AGAP1: variants seen among roughly 807,000 people sequenced by gnomAD.
AGAP1 encodes ArfGAP with GTPase domain, ankyrin repeat and PH domain 1.
In AGAP1, 29 loss-of-function variants were observed where a neutral mutation model predicts 105.3. The ratio of observed to expected loss-of-function variants is 0.28; its 90% CI spans 0.21 to 0.38. The LOEUF (loss-of-function observed/expected upper bound fraction) is 0.38, where lower values mean the gene tolerates loss of function less well. Ranked by LOEUF, AGAP1 falls within the 10% of genes least tolerant of loss-of-function variation. AGAP1 has a pLI of 1.00. For missense variants in AGAP1, 998 were observed against 1,165.1 expected, an observed-to-expected ratio of 0.86 and a Z score of 2.09; for synonymous variants, 509 against 485.9, an observed-to-expected ratio of 1.05 and a Z score of -0.63.
intron 11 of AGAP1, among the ~76,000 whole-genome samples, chr2:235,909,762 T>C (rs1189087685): frequency 1.3e-5 from 2 of 152,208 alleles, no homozygotes; most frequent in Admixed American, 1.3e-4. Flanking sequence ...GGCTCACACC[T>C]ATAATCCCAG....
rs1576295445 is a variant in AGAP1, at chr2:236,096,659, A to T, written c.2115-23533A>T. On this transcript the variant is annotated intron_variant, in intron 16 of 17. Transcript: ENST00000304032. The surrounding 1 kb of genome is among the most constrained non-coding windows in gnomAD (Gnocchi z 4.4). ...AGTGGCATGATCTCATCTCACTGCA[A>T]CCTCTGCCTCCCCGGTTCAAGTGAT... Among the ~76,000 whole-genome samples the T allele has an allele frequency of 1.3e-5, 2 of 150,918 alleles. No homozygotes were observed. The highest frequency in any genetic ancestry group is 6.6e-5 in the Admixed American group (1 of 15,118).
intron 1 of AGAP1, among the ~76,000 whole-genome samples, chr2:235,641,237 A>G (rs938533086): frequency 6.6e-6 from 1 of 152,118 alleles, no homozygotes; most frequent in Admixed American, 6.6e-5. Flanking sequence ...TAATGTTACA[A>G]ATATGATTCA....
At chr2:235,763,367 C>A (rs2149794794) in intron 6 of AGAP1, among the ~76,000 whole-genome samples, 2 of 152,156 alleles carry the variant, frequency 1.3e-5, no homozygotes, top group Non-Finnish European at 2.9e-5. Flanking sequence ...GACCGTGAAA[C>A]TTTTCCCACC....
At position 236,002,876 on chromosome 2, in the gene AGAP1, C is replaced by T. The variant is rs879572005; in HGVS notation, c.1646-33685C>T. Among the ~76,000 whole-genome samples the T allele has an allele frequency of 1.6e-4, 24 of 152,054 alleles. No individual in the cohort carries two copies. The highest frequency in any genetic ancestry group is 2.5e-4 in the Non-Finnish European group (17 of 68,016). ...TGTGATTTGAAAAATGACCAAGTCT[C>T]CTAAGGTGAAGTTTGTGTGTGAACA... On this transcript the variant is annotated intron_variant, in intron 13 of 17. Transcript: ENST00000304032. This position sits in a 1 kb window ranked among gnomAD's most constrained non-coding sequence, Gnocchi z 4.3.
At chr2:235,533,701 G>T (rs935345040) in intron 1 of AGAP1, among the ~76,000 whole-genome samples, 3 of 152,156 alleles carry the variant, frequency 2.0e-5, no homozygotes, top group Non-Finnish European at 4.4e-5. Flanking sequence ...GCACTGGGAG[G>T]CCAGCAAGAA....
rs1945514982 is a variant in AGAP1, at chr2:235,596,021, G to A, written c.163+101172G>A. On this transcript the variant is annotated intron_variant, in intron 1 of 17. Transcript: ENST00000304032. This position sits in a 1 kb window ranked among gnomAD's most constrained non-coding sequence, Gnocchi z 5.9. ...GATGTTTCTGATGTTATGAAGCTATGCTCCTGGAAGTGGTTGTGAAAATCG... is the reference window on the plus strand; with the variant it reads ...GATGTTTCTGATGTTATGAAGCTATACTCCTGGAAGTGGTTGTGAAAATCG... Among the ~76,000 whole-genome samples the A allele has an allele frequency of 6.6e-6, 1 of 152,192 alleles. No homozygotes were observed.
At chr2:235,588,061 C>G (rs945530512) in intron 1 of AGAP1, among the ~76,000 whole-genome samples, 1 of 152,026 alleles carries the variant, frequency 6.6e-6, no homozygotes, top group Non-Finnish European at 1.5e-5. Flanking sequence ...GAAACCCCGT[C>G]TCTACTAAAA....
intron 12 of AGAP1, among the ~76,000 whole-genome samples, chr2:235,948,970 G>A (rs113109753): frequency 0.023 from 3,558 of 152,248 alleles, 151 homozygotes; most frequent in African/African-American, 0.081. Flanking sequence ...TCCACAATAC[G>A]ATGAATCACA....
chr2:235,841,368 C>T (rs866395132), intron 9 of AGAP1, among the ~76,000 whole-genome samples: 2 of 152,202 alleles, frequency 1.3e-5, no homozygotes, highest in African/African-American at 2.4e-5. Flanking sequence ...CGGTGGCTCA[C>T]GACTAATCCC....
chr2:235,738,692 G>A (rs946508577), intron 3 of AGAP1, among the ~76,000 whole-genome samples: 4 of 151,572 alleles, frequency 2.6e-5, no homozygotes, highest in Non-Finnish European at 4.4e-5. Flanking sequence ...CGAGTAGCTG[G>A]GATTACAGGC....
intron 1 of AGAP1, among the ~76,000 whole-genome samples, chr2:235,618,425 G>C (rs1257211184): frequency 6.6e-6 from 1 of 152,074 alleles, no homozygotes; most frequent in African/African-American, 2.4e-5. Context: ...GCCCCTATCT[G>C]TCCAGTTTAA....
Position 235,632,686 on chromosome 2 carries a change from C to T in AGAP1, c.164-76493C>T, listed in dbSNP as rs112886295. On this transcript the variant is annotated intron_variant, in intron 1 of 17. Coordinates refer to ENST00000304032, the MANE Select transcript of AGAP1 (RefSeq NM_001037131.3). ...CCACCTGGCCTCCCTCTGGGGACCACGGTTCTGTCACCTCTCCTGCTATTT... is the reference window on the plus strand; with the variant it reads ...CCACCTGGCCTCCCTCTGGGGACCATGGTTCTGTCACCTCTCCTGCTATTT... Among the ~76,000 whole-genome samples the T allele has an allele frequency of 6.1e-3, 923 of 152,310 alleles. 10 individuals carry two copies. Among genetic ancestry groups the T allele is most frequent in the African/African-American group, 0.021 (870 of 41,568 alleles).
chr2:235,768,343 T>G (rs1274311668), intron 6 of AGAP1, among the ~76,000 whole-genome samples: 1 of 152,234 alleles, frequency 6.6e-6, no homozygotes, highest in Non-Finnish European at 1.5e-5. Context: ...ACAAACTCAG[T>G]ATTCTTCAAA....
At chr2:235,975,214 A>T (rs1157157147) in intron 13 of AGAP1, among the ~76,000 whole-genome samples, 2 of 152,250 alleles carry the variant, frequency 1.3e-5, no homozygotes, top group Non-Finnish European at 2.9e-5. Context: ...TTAGATGCTA[A>T]GAAACAGATG....
intron 16 of AGAP1, among the ~76,000 whole-genome samples, chr2:236,110,177 G>T (rs112638433): frequency 6.6e-6 from 1 of 152,194 alleles, no homozygotes; most frequent in African/African-American, 2.4e-5. Context: ...GGTGTTGTTA[G>T]AATTAAACCA....
intron 1 of AGAP1, among the ~76,000 whole-genome samples, chr2:235,579,270 T>G (rs977913809): frequency 1.3e-5 from 2 of 152,186 alleles, no homozygotes; most frequent in African/African-American, 4.8e-5. Context: ...CAGGCGACAC[T>G]TTTGCTTTAA....
At position 235,882,608 on chromosome 2, in the gene AGAP1, T is replaced by C; in HGVS notation, c.1051-737T>C. 2 of 420,186 alleles carry C rather than the reference T, an allele frequency of 4.8e-6. No homozygotes were observed. Among genetic ancestry groups the C allele is most frequent in the East Asian group, 5.1e-5 (1 of 19,544 alleles). 26.0% of individuals were successfully genotyped at this position (420,186 alleles called of 1,614,324 possible). A position where few individuals can be genotyped will look rare whatever the true frequency, so the allele number is the denominator to read the frequency against. The stretch of plus-strand genomic sequence containing the variant: ...CTCCCCGAGTAGCTGGGATTATAGG[T>C]GCCCACCACTGCGTCCAGCTAATTT... On this transcript the variant is annotated intron_variant, in intron 9 of 17. Coordinates refer to ENST00000304032, the MANE Select transcript of AGAP1 (RefSeq NM_001037131.3). This position sits in a 1 kb window ranked among gnomAD's most constrained non-coding sequence, Gnocchi z 4.6.
At position 235,535,089 on chromosome 2, in the gene AGAP1, C is replaced by T. The variant is rs1943166171; in HGVS notation, c.163+40240C>T. Among the ~76,000 whole-genome samples, 1 of 152,128 alleles carries T rather than the reference C, an allele frequency of 6.6e-6. No individual in the cohort carries two copies. The highest frequency in any genetic ancestry group is 1.5e-5 in the Non-Finnish European group (1 of 68,028). ...GTCTGCAGATGTAAAACGACCTGCT[C>T]CCCCAGGTGAATGGATTCTCGCCAG... On this transcript the variant is annotated intron_variant, in intron 1 of 17. Transcript: ENST00000304032. This position sits in a 1 kb window ranked among gnomAD's most constrained non-coding sequence, Gnocchi z 5.1.
rs549453572 is a variant in AGAP1 at position 235,931,741 on chromosome 2, G to A, written c.1483+818G>A. ...GACCCACCAGCTGCTGCAGCAGGAC[G>A]TTTGCTTTGGGTAAACATCATCCTT... On this transcript the variant is annotated intron_variant, in intron 12 of 17. Coordinates refer to ENST00000304032, the MANE Select transcript of AGAP1 (RefSeq NM_001037131.3). The surrounding 1 kb of genome is among the most constrained non-coding windows in gnomAD (Gnocchi z 5.6). 2.6e-5 allele frequency among the ~76,000 whole-genome samples: 4 copies of A among 152,026 alleles called. No individual in the cohort carries two copies. The highest frequency in any genetic ancestry group is 4.4e-5 in the Non-Finnish European group (3 of 68,026).
Sources: gnomAD v4.1 joint callset for allele counts (sites outside exome capture counted in the v4.1 genomes callset) on GRCh38, gnomAD v4.1.1 for gene constraint, Gnocchi (gnomAD v3.1) non-coding constraint, MANE v1.5 for transcripts, NCBI Gene and HGNC (gene_info 2026-07-23, HGNC 2026-07-21) for gene names.